The following EYS variants were observed in gnomAD, a reference collection of about 807,000 sequenced individuals.
The protein encoded by EYS is EGF-like photoreceptor maintenance factor, also known as protein eyes shut homolog.
In EYS, 250 loss-of-function variants were observed where a neutral mutation model predicts 282.1. The ratio of observed to expected loss-of-function variants is 0.89; its 90% CI spans 0.80 to 0.98. The LOEUF (loss-of-function observed/expected upper bound fraction) is 0.98, where lower values mean the gene tolerates loss of function less well. Among genes scored for constraint, EYS ranks in the 50% least tolerant of loss-of-function variants. EYS has a pLI of 0.00. For missense variants in EYS, 4,016 were observed against 3,709.0 expected (o/e 1.08, Z -2.15); for synonymous variants, 1,355 against 1,282.9 (o/e 1.06, Z -1.20).
At chr6:63,841,429 T>C (rs1003667277) in intron 36 of EYS, among the ~76,000 whole-genome samples, 12 of 152,154 alleles carry the variant, frequency 7.9e-5, no homozygotes, top group Admixed American at 6.6e-4. Flanking sequence ...CTCTAATTTT[T>C]GGTGTTCTTA....
At chr6:65,320,591 G>C (rs1769447522) in intron 11 of EYS, among the ~76,000 whole-genome samples, 1 of 152,212 alleles carries the variant, frequency 6.6e-6, no homozygotes, top group South Asian at 2.1e-4. Flanking sequence ...TTGGCTCCTT[G>C]AAGTGGATCC....
chr6:65,216,338 C>T lies in EYS; in HGVS notation c.2023+79525G>A, dbSNP rs926753382. Among the ~76,000 whole-genome samples the T allele has an allele frequency of 1.5e-4, 23 of 151,824 alleles. 1 individual carries two copies. The highest frequency in any genetic ancestry group is 5.9e-4 in the Admixed American group (9 of 15,240). On this transcript the variant is annotated intron_variant, in intron 12 of 42. Transcript: ENST00000503581. ...CTAATGTTCAAATTGTATGAATACC[C>T]ATACATATATAAGTTATTTATAGTG...
chr6:64,190,247 T>C lies in EYS; in HGVS notation c.6424+40345A>G, dbSNP rs116409666. 5.4e-3 allele frequency among the ~76,000 whole-genome samples: 821 copies of C among 152,280 alleles called. 5 individuals carry two copies. The highest frequency in any genetic ancestry group is 0.018 in the African/African-American group (731 of 41,576). On this transcript the variant is annotated intron_variant, in intron 31 of 42. Coordinates refer to ENST00000503581, the MANE Select transcript of EYS (RefSeq NM_001142800.2). Reference sequence around the variant, plus strand: ...GTACCCTCAGGGTGAAACATGTATGTGAACTGAACATGCTACTTTGCCTTA... The same window carrying C: ...GTACCCTCAGGGTGAAACATGTATGCGAACTGAACATGCTACTTTGCCTTA...
At chr6:63,848,244 C>G (rs79543865) in intron 36 of EYS, among the ~76,000 whole-genome samples, 33 of 152,204 alleles carry the variant, frequency 2.2e-4, no homozygotes, top group African/African-American at 7.5e-4. Flanking sequence ...TAGTCTTAAA[C>G]ATTGTATTTT....
At chr6:64,684,692 GT>G (rs1224587910) in intron 22 of EYS, among the ~76,000 whole-genome samples, 1 of 151,854 alleles carries the variant, frequency 6.6e-6, no homozygotes, top group Non-Finnish European at 1.5e-5. Flanking sequence ...AGTATGACAA[GT>G]TTTTGACATT....
At chr6:64,142,687 G>A (rs1462333239) in intron 31 of EYS, among the ~76,000 whole-genome samples, 3 of 152,132 alleles carry the variant, frequency 2.0e-5, no homozygotes, top group South Asian at 2.1e-4. Flanking sequence ...GGCACACATT[G>A]TTTGGTTAGA....
chr6:65,115,172 A>G (rs970500007), intron 12 of EYS, among the ~76,000 whole-genome samples: 9 of 152,102 alleles, frequency 5.9e-5, no homozygotes, highest in Non-Finnish European at 1.2e-4. Context: ...GCTGATCAAA[A>G]TATCATGAAA....
intron 26 of EYS, among the ~76,000 whole-genome samples, chr6:64,449,442 A>C (rs893207376): frequency 2.1e-4 from 32 of 152,226 alleles, no homozygotes; most frequent in Non-Finnish European, 4.0e-4. Flanking sequence ...GCAGGATATT[A>C]CCCAGGAGAA....
Position 64,845,525 on chromosome 6 carries a change from A to ATCTCTCTC in EYS, c.2993-22711_2993-22704dup, listed in dbSNP as rs142279105. Among the ~76,000 whole-genome samples the ATCTCTCTC allele has an allele frequency of 4.7e-5, 7 of 147,688 alleles. No individual in the cohort carries two copies. The South Asian group carries it at 6.5e-4, about 14-fold the overall frequency. ...TTCAAGTTTCTTCCAACAAAAAATA[A>ATCTCTCTC]TCTCTCTCTCTCTCTCTCTCTGTCA... On this transcript the variant is annotated intron_variant, in intron 19 of 42. Transcript: ENST00000503581.
intron 30 of EYS, among the ~76,000 whole-genome samples, chr6:64,267,810 A>G (rs895877852): frequency 2.0e-5 from 3 of 152,212 alleles, no homozygotes; most frequent in Middle Eastern, 3.4e-3. Flanking sequence ...CAAACAAAAG[A>G]TTGCTCATCC....
chr6:64,729,997 T>C (rs545625072), intron 22 of EYS, among the ~76,000 whole-genome samples: 2 of 152,180 alleles, frequency 1.3e-5, no homozygotes, highest in African/African-American at 4.8e-5. Flanking sequence ...AAATGACAAA[T>C]ATAGAAAAAT....
intron 26 of EYS, among the ~76,000 whole-genome samples, chr6:64,559,928 T>C (rs75651522): frequency 0.03 from 4,603 of 152,138 alleles, 152 homozygotes; most frequent in East Asian, 0.11. Context: ...TACCCTCAGG[T>C]GGGACCCAGT....
intron 12 of EYS, among the ~76,000 whole-genome samples, chr6:65,224,094 T>A (rs1004389782): frequency 1.6e-4 from 25 of 152,142 alleles, no homozygotes; most frequent in African/African-American, 4.6e-4. Flanking sequence ...GGATAGTCCA[T>A]CCAACAACAG....
At chr6:63,812,732 GACTA>G (rs1437746166) in intron 36 of EYS, among the ~76,000 whole-genome samples, 3 of 152,168 alleles carry the variant, frequency 2.0e-5, no homozygotes, top group Admixed American at 6.5e-5. Flanking sequence ...GTTCTTAAGT[GACTA>G]ACTATTCTGC....
intron 2 of EYS, among the ~76,000 whole-genome samples, chr6:65,604,083 T>C (rs780890871): frequency 6.6e-6 from 1 of 151,892 alleles, no homozygotes; most frequent in African/African-American, 2.4e-5. Flanking sequence ...ACTTATTATG[T>C]CCTCAAAGTC....
At chr6:63,740,037 A>C (rs1029313197) in intron 41 of EYS, among the ~76,000 whole-genome samples, 2 of 152,122 alleles carry the variant, frequency 1.3e-5, no homozygotes, top group Admixed American at 6.5e-5. Context: ...TTAAGATTAC[A>C]TGAAAATATT....
intron 12 of EYS, among the ~76,000 whole-genome samples, chr6:65,275,771 T>C (rs891210577): frequency 6.6e-6 from 1 of 152,228 alleles, no homozygotes; most frequent in Non-Finnish European, 1.5e-5. Context: ...TTCCCCAGGG[T>C]GATCAGCCAG....
intron 2 of EYS, among the ~76,000 whole-genome samples, chr6:65,579,739 C>T (rs1764805994): frequency 6.6e-6 from 1 of 152,182 alleles, no homozygotes; most frequent in East Asian, 1.9e-4. Context: ...AAGTTAATTA[C>T]CTCCTAAAAG....
chr6:64,646,648 A>C (rs1768361921), intron 22 of EYS, among the ~76,000 whole-genome samples: 1 of 151,880 alleles, frequency 6.6e-6, no homozygotes, highest in Non-Finnish European at 1.5e-5. Flanking sequence ...CTAAAAATAC[A>C]AAAAAACATT....
Sources: gnomAD v4.1 joint callset for allele counts (sites outside exome capture counted in the v4.1 genomes callset) on GRCh38, gnomAD v4.1.1 for gene constraint, MANE v1.5 for transcripts, NCBI Gene and HGNC (gene_info 2026-07-23, HGNC 2026-07-21) for gene names.